Variants in RPS6KA2 observed in about 807,000 individuals in gnomAD.
RPS6KA2 encodes ribosomal protein S6 kinase alpha-2.
In RPS6KA2, 42 loss-of-function variants were observed where a neutral mutation model predicts 91.8. The ratio of observed to expected loss-of-function variants is 0.46; its 90% CI spans 0.36 to 0.59. The LOEUF (loss-of-function observed/expected upper bound fraction) is 0.59, where lower values mean the gene tolerates loss of function less well. Among genes scored for constraint, RPS6KA2 ranks in the 20% least tolerant of loss-of-function variants. The pLI is 0.00. For missense variants in RPS6KA2, 798 were observed against 978.5 expected, an observed-to-expected ratio of 0.82 and a Z score of 2.46; for synonymous variants, 414 against 393.6, an observed-to-expected ratio of 1.05 and a Z score of -0.61.
intron 14 of RPS6KA2, 84 bp from the exon 15 acceptor site, chr6:166,432,574 A>G: frequency 1.2e-6 from 1 of 819,734 alleles, no homozygotes; most frequent in Non-Finnish European, 2.0e-6. Context: ...GAGTTTGGAT[A>G]AAGTCTGGCC....
At chr6:166,757,796 T>A (rs1290115228) in intron 2 of RPS6KA2, 1 of 308,466 alleles carries the variant, frequency 3.2e-6, no homozygotes, top group Non-Finnish European at 6.4e-6. Flanking sequence ...AGCTGTGAGT[T>A]GAAAAAACTC....
chr6:166,854,115 C>T (rs1421154114), intron 2 of RPS6KA2, among the ~76,000 whole-genome samples: 2 of 152,192 alleles, frequency 1.3e-5, no homozygotes, highest in Non-Finnish European at 2.9e-5. Flanking sequence ...CAAGAATCCA[C>T]CCATCCCGTG....
rs987840334 is a variant in RPS6KA2, at chr6:166,461,346, C to T, written c.973-1795G>A. The stretch of plus-strand genomic sequence containing the variant: ...CACATGTGCTTGCCTGAGGAAGTCT[C>T]CTGAGCTGGGAAGCCCAGGCCATCG... On this transcript the variant is annotated intron_variant, in intron 11 of 20. Coordinates refer to ENST00000265678, the MANE Select transcript of RPS6KA2 (RefSeq NM_021135.6). 2.0e-4 allele frequency among the ~76,000 whole-genome samples: 31 copies of T among 152,196 alleles called. 1 individual carries two copies. Among genetic ancestry groups the T allele is most frequent in the Non-Finnish European group, 2.9e-5 (2 of 67,998 alleles).
chr6:166,794,855 T>C (rs1400523669), intron 2 of RPS6KA2, among the ~76,000 whole-genome samples: 1 of 99,532 alleles, frequency 1.0e-5, no homozygotes, highest in Non-Finnish European at 1.9e-5. Context: ...GGGACTGTTG[T>C]GGGGTGGGGG....
At chr6:166,550,994 C>CAAAAAAGAAAAAAAA (rs1784003128) in intron 1 of RPS6KA2, among the ~76,000 whole-genome samples, 1 of 106,380 alleles carries the variant, frequency 9.4e-6, no homozygotes, top group Admixed American at 1.1e-4. Flanking sequence ...GACTCTATCT[C>CAAAAAAGAAAAAAAA]AAAAAAAAAA....
chr6:166,476,694 C>T (rs904073539), intron 10 of RPS6KA2, among the ~76,000 whole-genome samples: 1 of 151,982 alleles, frequency 6.6e-6, no homozygotes, highest in African/African-American at 2.4e-5. Flanking sequence ...GGAGAGTCTA[C>T]AGCTCGAGGG....
chr6:166,772,523 G>C (rs1339321322), intron 2 of RPS6KA2, among the ~76,000 whole-genome samples: 1 of 152,224 alleles, frequency 6.6e-6, no homozygotes, highest in African/African-American at 2.4e-5. Context: ...AAGAAGGTTT[G>C]ATTCTGTTTC....
At chr6:166,797,290 T>C (rs1157835593) in intron 2 of RPS6KA2, among the ~76,000 whole-genome samples, 1 of 149,508 alleles carries the variant, frequency 6.7e-6, no homozygotes, top group Admixed American at 6.7e-5. Context: ...CTGAAGGAGA[T>C]GAAATTATTT....
intron 1 of RPS6KA2, among the ~76,000 whole-genome samples, chr6:166,550,898 G>A (rs1305317485): frequency 3.3e-5 from 5 of 149,872 alleles, no homozygotes; most frequent in African/African-American, 9.8e-5. Flanking sequence ...CTACTCGGGA[G>A]GCTGAGGCAG....
chr6:166,574,497 T>C (rs1367226894), intron 1 of RPS6KA2, among the ~76,000 whole-genome samples: 1 of 152,242 alleles, frequency 6.6e-6, no homozygotes, highest in African/African-American at 2.4e-5. Flanking sequence ...ATTTCATTCT[T>C]TTTATGGCTG....
chr6:166,473,751 TG>T (rs962830039), intron 10 of RPS6KA2, among the ~76,000 whole-genome samples: 31 of 152,308 alleles, frequency 2.0e-4, no homozygotes, highest in African/African-American at 7.2e-4. Context: ...CCGACACTTC[TG>T]GGAACATTCA....
Position 166,500,975 on chromosome 6 carries a change from C to G in RPS6KA2, c.567-51G>C, listed in dbSNP as rs766096711. 19 of 1,566,354 alleles carry G rather than the reference C, an allele frequency of 1.2e-5. No individual in the cohort carries two copies. In the South Asian group the frequency reaches 1.9e-4, roughly 16 times the overall value. On this transcript the variant is annotated intron_variant, in intron 6 of 20. Coordinates refer to ENST00000265678, the MANE Select transcript of RPS6KA2 (RefSeq NM_021135.6). This position sits in a 1 kb window ranked among gnomAD's most constrained non-coding sequence, Gnocchi z 4.3. The stretch of plus-strand genomic sequence containing the variant: ...TGCTTTAGAAAGAGACCCAGCCTGC[C>G]GACGGGCACGCAGAGCTCAGAGGAG...
chr6:166,596,872 C>G (rs1785551119), intron 1 of RPS6KA2, among the ~76,000 whole-genome samples: 1 of 152,144 alleles, frequency 6.6e-6, no homozygotes, highest in South Asian at 2.1e-4. Context: ...CCACTGAAAT[C>G]TTTACTGTGG....
At chr6:166,637,152 T>A (rs1352656083) in intron 2 of RPS6KA2, among the ~76,000 whole-genome samples, 1 of 152,176 alleles carries the variant, frequency 6.6e-6, no homozygotes, top group Non-Finnish European at 1.5e-5. Flanking sequence ...ACCAGGTGGC[T>A]TAGGTCTGGC....
At chr6:166,504,735 C>T (rs868452447) in intron 5 of RPS6KA2, 123 bp from the exon 6 acceptor site, 26 of 630,670 alleles carry the variant, frequency 4.1e-5, no homozygotes, top group Admixed American at 2.1e-4. Context: ...CTCTGTGGAA[C>T]GCTATGGCCC....
At chr6:166,769,810 G>C (rs1261876881) in intron 2 of RPS6KA2, among the ~76,000 whole-genome samples, 1 of 152,196 alleles carries the variant, frequency 6.6e-6, no homozygotes, top group African/African-American at 2.4e-5. Flanking sequence ...CCCCAGCGAC[G>C]GGGCTGAGAA....
chr6:166,638,092 C>A (rs1361482718), intron 2 of RPS6KA2, among the ~76,000 whole-genome samples: 1 of 152,268 alleles, frequency 6.6e-6, no homozygotes, highest in Non-Finnish European at 1.5e-5. Flanking sequence ...CTCCGGCTGA[C>A]AATTTAAAGT....
Position 166,732,933 on chromosome 6 carries a change from G to A in RPS6KA2, c.123+125267C>T, listed in dbSNP as rs1453886780. Among the ~76,000 whole-genome samples the A allele has an allele frequency of 1.3e-5, 2 of 152,190 alleles. No homozygotes were observed. The highest frequency in any genetic ancestry group is 4.8e-5 in the African/African-American group (2 of 41,442). ...AAACAAAAGACCTGAAGTGAAGCCT[G>A]CTGGCTTAGAGGAAATGAGGAACCG... On this transcript the variant is annotated intron_variant, in intron 2 of 21. Transcript: ENST00000503859. The surrounding 1 kb of genome is among the most constrained non-coding windows in gnomAD (Gnocchi z 4.0).
At chr6:166,678,517 CTCTTT>C (rs1417910590) in intron 2 of RPS6KA2, among the ~76,000 whole-genome samples, 1 of 152,248 alleles carries the variant, frequency 6.6e-6, no homozygotes, top group Non-Finnish European at 1.5e-5. Flanking sequence ...CAATCCTTCT[CTCTTT>C]TATTTCACAG....
Sources: gnomAD v4.1 joint callset for allele counts (sites outside exome capture counted in the v4.1 genomes callset) on GRCh38, gnomAD v4.1.1 for gene constraint, Gnocchi (gnomAD v3.1) non-coding constraint, MANE v1.5 for transcripts, NCBI Gene and HGNC (gene_info 2026-07-23, HGNC 2026-07-21) for gene names.